The following PTPRD variants were observed in gnomAD, a reference collection of about 807,000 sequenced individuals.
PTPRD encodes protein tyrosine phosphatase receptor type D, also known as receptor-type tyrosine-protein phosphatase delta.
PTPRD carries 34 observed loss-of-function variants against 214.5 expected under a neutral mutation model. That is an observed-to-expected ratio of 0.16 (90% CI 0.12 to 0.21). The LOEUF (loss-of-function observed/expected upper bound fraction) is 0.21. Ranked by LOEUF, PTPRD falls within the 10% of genes least tolerant of loss-of-function variation. The pLI, the probability that PTPRD is intolerant of heterozygous loss-of-function variation, is 1.00. For missense variants in PTPRD, 2,545 were observed against 2,398.7 expected (o/e 1.06, Z -1.27); for synonymous variants, 1,128 against 845.7 (o/e 1.33, Z -5.79).
intron 4 of PTPRD, among the ~76,000 whole-genome samples, chr9:9,954,593 CAATT>C (rs142153079): frequency 0.02 from 3,079 of 151,866 alleles, 116 homozygotes; most frequent in African/African-American, 0.071. Flanking sequence ...TATGAGAGCA[CAATT>C]AATATAAAAT....
chr9:8,693,565 A>C (rs1476062465), intron 12 of PTPRD, among the ~76,000 whole-genome samples: 2 of 152,308 alleles, frequency 1.3e-5, no homozygotes, highest in East Asian at 3.9e-4. Context: ...AGCTTCCTCC[A>C]GGAGCTCATA....
intron 8 of PTPRD, among the ~76,000 whole-genome samples, chr9:9,465,083 A>G (rs1328706595): frequency 7.2e-5 from 11 of 152,196 alleles, no homozygotes; most frequent in South Asian, 2.1e-4. Context: ...TCCTGCCCCA[A>G]TGGCTAAGCT....
At chr9:8,483,303 C>A (rs1381275941) in intron 30 of PTPRD, among the ~76,000 whole-genome samples, 1 of 152,154 alleles carries the variant, frequency 6.6e-6, no homozygotes, top group East Asian at 1.9e-4. Flanking sequence ...ATTTTTCCTA[C>A]TTTTAATACA....
chr9:10,106,093 C>G (rs1363930725), intron 3 of PTPRD, among the ~76,000 whole-genome samples: 2 of 149,682 alleles, frequency 1.3e-5, no homozygotes, highest in Non-Finnish European at 3.0e-5. Context: ...CATAATATAC[C>G]ATGGCACTAA....
chr9:8,772,659 A>C, intron 11 of PTPRD, among the ~76,000 whole-genome samples: 1 of 152,252 alleles, frequency 6.6e-6, no homozygotes, highest in Middle Eastern at 3.4e-3. Context: ...AATAATAAAA[A>C]TAATTTTTTA....
intron 5 of PTPRD, among the ~76,000 whole-genome samples, chr9:9,817,819 A>C (rs932446179): frequency 6.6e-6 from 1 of 152,204 alleles, no homozygotes; most frequent in Non-Finnish European, 1.5e-5. Context: ...AAAAGTGTTA[A>C]AGAAATTTAA....
chr9:10,430,801 C>A (rs1441094338), intron 2 of PTPRD, among the ~76,000 whole-genome samples: 1 of 152,002 alleles, frequency 6.6e-6, no homozygotes, highest in African/African-American at 2.4e-5. Context: ...TGGTAGGAGG[C>A]AATAGACCTG....
chr9:9,174,461 C>A (rs186990783), intron 10 of PTPRD, among the ~76,000 whole-genome samples: 58 of 152,078 alleles, frequency 3.8e-4, no homozygotes, highest in African/African-American at 1.4e-3. Context: ...TCAAATATAA[C>A]CTTATAAGTT....
At chr9:9,138,918 CT>C (rs2099855436) in intron 10 of PTPRD, among the ~76,000 whole-genome samples, 1 of 152,032 alleles carries the variant, frequency 6.6e-6, no homozygotes, top group African/African-American at 2.4e-5. Flanking sequence ...GTTATTATAA[CT>C]ACCCTAGACA....
At chr9:8,425,668 T>C (rs1174492943) in intron 35 of PTPRD, among the ~76,000 whole-genome samples, 1 of 145,514 alleles carries the variant, frequency 6.9e-6, no homozygotes, top group Non-Finnish European at 1.6e-5. Context: ...TTTGTTTTTT[T>C]GTTTTTTTTC....
chr9:9,269,042 AC>A (rs1941583388), intron 9 of PTPRD, among the ~76,000 whole-genome samples: 1 of 151,388 alleles, frequency 6.6e-6, no homozygotes, highest in African/African-American at 2.4e-5. Context: ...TTTCTATACA[AC>A]AAAGAAATCA....
chr9:8,818,948 C>A (rs904397386), intron 11 of PTPRD, among the ~76,000 whole-genome samples: 3 of 152,116 alleles, frequency 2.0e-5, no homozygotes, highest in African/African-American at 7.2e-5. Context: ...TGGTAACTAA[C>A]CAGGAAAACG....
At chr9:8,332,445 T>C (rs539471303) in intron 43 of PTPRD, among the ~76,000 whole-genome samples, 14 of 152,156 alleles carry the variant, frequency 9.2e-5, no homozygotes, top group Non-Finnish European at 1.6e-4. Context: ...CAACGACTAT[T>C]AGCAAACAAA....
chr9:9,989,037 A>AAC (rs1555436288), intron 4 of PTPRD, among the ~76,000 whole-genome samples: 18,411 of 121,372 alleles, frequency 0.15, 2,977 homozygotes, highest in Non-Finnish European at 0.24. Context: ...AAAAAAAAAA[A>AAC]AAAAAAAACC....
At chr9:10,147,171 C>A (rs943349643) in intron 3 of PTPRD, among the ~76,000 whole-genome samples, 8 of 152,072 alleles carry the variant, frequency 5.3e-5, no homozygotes, top group Admixed American at 2.0e-4. Context: ...GACATGTTGT[C>A]CGTGCAGTGC....
chr9:8,842,071 A>T (rs191819944), intron 11 of PTPRD, among the ~76,000 whole-genome samples: 1 of 152,288 alleles, frequency 6.6e-6, no homozygotes, highest in South Asian at 2.1e-4. Flanking sequence ...AACAAAAATA[A>T]CTTCTTGTAT....
intron 3 of PTPRD, among the ~76,000 whole-genome samples, chr9:10,208,397 C>T (rs1475795478): frequency 1.3e-5 from 2 of 152,268 alleles, no homozygotes; most frequent in Middle Eastern, 3.4e-3. Flanking sequence ...GCCTGTAGTC[C>T]CAGCTACTCG....
chr9:9,681,996 C>A (rs974581193), intron 7 of PTPRD, among the ~76,000 whole-genome samples: 11 of 151,792 alleles, frequency 7.2e-5, no homozygotes, highest in Non-Finnish European at 1.5e-4. Context: ...TGAACTTTCT[C>A]ATCATTACCC....
chr9:8,679,871 T>C (rs765317753), intron 12 of PTPRD, among the ~76,000 whole-genome samples: 2 of 152,236 alleles, frequency 1.3e-5, no homozygotes, highest in Admixed American at 6.5e-5. Context: ...GCTTTCAATT[T>C]AACAAAAATT....
Sources: allele counts gnomAD v4.1 joint callset (sites outside exome capture counted in the v4.1 genomes callset), GRCh38; gene constraint gnomAD v4.1.1; transcripts MANE v1.5; gene names NCBI Gene and HGNC (gene_info 2026-07-23, HGNC 2026-07-21).